RNLS: variants seen among roughly 807,000 people sequenced by gnomAD.
RNLS encodes the protein renalase.
Under a neutral mutation model 39.8 loss-of-function variants are expected in RNLS, and 39 were observed. The observed-to-expected ratio is 0.98, with a 90% confidence interval of 0.76 to 1.28. RNLS has a LOEUF of 1.28. Among genes scored for constraint, RNLS ranks in the 50% most tolerant of loss-of-function variants. RNLS has a pLI of 0.00. For missense variants in RNLS, 410 were observed against 413.3 expected (o/e 0.99, Z 0.07); for synonymous variants, 147 against 150.7 (o/e 0.98, Z 0.18).
At chr10:88,442,269 A>G (rs1189312798) in intron 4 of RNLS, among the ~76,000 whole-genome samples, 4 of 152,230 alleles carry the variant, frequency 2.6e-5, no homozygotes, top group Non-Finnish European at 5.9e-5. Context: ...TTTTCTCTTA[A>G]GTATATTGTT....
the RNLS span, among the ~76,000 whole-genome samples, chr10:88,262,272 C>T: frequency 6.6e-6 from 1 of 152,236 alleles, no homozygotes; most frequent in East Asian, 1.9e-4. Flanking sequence ...GTGGGAAGTC[C>T]TCTAAACTCA....
At chr10:88,434,809 T>C (rs1171875632) in intron 4 of RNLS, among the ~76,000 whole-genome samples, 1 of 152,126 alleles carries the variant, frequency 6.6e-6, no homozygotes, top group Non-Finnish European at 1.5e-5. Context: ...GAAATAGGAA[T>C]AAAGATTGCA....
chr10:88,499,486 A>G (rs1162105887), intron 4 of RNLS, among the ~76,000 whole-genome samples: 2 of 152,074 alleles, frequency 1.3e-5, no homozygotes, highest in East Asian at 3.9e-4. Flanking sequence ...AGAAGTTCTT[A>G]CGAAAAATTT....
At chr10:88,268,398 T>C in the RNLS span, among the ~76,000 whole-genome samples, 148 of 152,304 alleles carry the variant, frequency 9.7e-4, no homozygotes, top group Non-Finnish European at 1.8e-3. Flanking sequence ...CCATGCCAGA[T>C]TGGTGAAAAA....
chr10:88,479,226 A>G (rs1844006298), intron 4 of RNLS, among the ~76,000 whole-genome samples: 1 of 152,206 alleles, frequency 6.6e-6, no homozygotes. Flanking sequence ...ATCAGAGCGA[A>G]AAGTCAATGG....
intron 4 of RNLS, among the ~76,000 whole-genome samples, chr10:88,539,385 G>C (rs1847931677): frequency 6.6e-6 from 1 of 152,096 alleles, no homozygotes; most frequent in Non-Finnish European, 1.5e-5. Context: ...GAAAATAATA[G>C]CATAAATTTT....
At chr10:88,565,507 A>G (rs977920256) in intron 4 of RNLS, among the ~76,000 whole-genome samples, 16 of 152,170 alleles carry the variant, frequency 1.1e-4, no homozygotes, top group African/African-American at 1.2e-4. Flanking sequence ...GAATTATTTC[A>G]TAACAATGAA....
chr10:88,475,571 G>A (rs973196564), intron 4 of RNLS, among the ~76,000 whole-genome samples: 4 of 151,978 alleles, frequency 2.6e-5, no homozygotes, highest in Non-Finnish European at 5.9e-5. Context: ...TCATTCCAAT[G>A]TCCTTTCAGT....
intron 4 of RNLS, among the ~76,000 whole-genome samples, chr10:88,465,408 C>G (rs954498368): frequency 6.6e-6 from 1 of 152,038 alleles, no homozygotes; most frequent in African/African-American, 2.4e-5. Context: ...TATATAGTCT[C>G]TGAACCCAAA....
At chr10:88,529,623 A>G (rs1358562599) in intron 4 of RNLS, among the ~76,000 whole-genome samples, 1 of 152,212 alleles carries the variant, frequency 6.6e-6, no homozygotes, top group African/African-American at 2.4e-5. Flanking sequence ...ACTCATATTT[A>G]AAATTCAGGA....
chr10:88,313,721 A>G (rs1362536347), intron 6 of RNLS, among the ~76,000 whole-genome samples: 1 of 152,188 alleles, frequency 6.6e-6, no homozygotes, highest in East Asian at 1.9e-4. Context: ...AAATCCCAGG[A>G]AAAAAATGGA....
intron 4 of RNLS, among the ~76,000 whole-genome samples, chr10:88,375,398 G>T (rs1041374713): frequency 6.6e-6 from 1 of 152,082 alleles, no homozygotes; most frequent in Non-Finnish European, 1.5e-5. Context: ...TCTTCATCTG[G>T]CTTTTTGTTA....
chr10:88,550,918 C>T (rs1024624288), intron 4 of RNLS, among the ~76,000 whole-genome samples: 3 of 152,062 alleles, frequency 2.0e-5, no homozygotes, highest in Non-Finnish European at 2.9e-5. Flanking sequence ...GGCATTTGCC[C>T]GAGGTAACCA....
intron 4 of RNLS, among the ~76,000 whole-genome samples, chr10:88,413,002 T>C (rs185057990): frequency 6.6e-6 from 1 of 152,298 alleles, no homozygotes; most frequent in Non-Finnish European, 1.5e-5. Context: ...AAAGTATCCA[T>C]TCACTACTGT....
intron 4 of RNLS, 89 bp downstream of exon 4, chr10:88,572,814 G>T: frequency 7.5e-7 from 1 of 1,335,692 alleles, no homozygotes; most frequent in Non-Finnish European, 1.0e-6. Flanking sequence ...TCTATCACTT[G>T]TCCTTTGCGA....
rs558281888 is a variant in RNLS at position 88,394,347 on chromosome 10, G to A, written c.527-31622C>T. On this transcript the variant is annotated intron_variant, in intron 4 of 6. Coordinates refer to ENST00000331772, the MANE Select transcript of RNLS (RefSeq NM_001031709.3). ...ACAATGAACTCAAACGAATTTACAA[G>A]AAAAAAACAAACAACCCCATCAAAA... 1.2e-4 allele frequency among the ~76,000 whole-genome samples: 18 copies of A among 151,946 alleles called. No individual in the cohort carries two copies. In the South Asian group the frequency reaches 3.7e-3, roughly 32 times the overall value.
intron 4 of RNLS, among the ~76,000 whole-genome samples, chr10:88,484,091 G>A (rs576555284): frequency 1.3e-5 from 2 of 152,094 alleles, no homozygotes; most frequent in South Asian, 4.1e-4. Context: ...CTCATATCAA[G>A]TCTTTGACAA....
intron 4 of RNLS, among the ~76,000 whole-genome samples, chr10:88,569,872 T>C (rs896501721): frequency 6.6e-6 from 1 of 152,112 alleles, no homozygotes; most frequent in Non-Finnish European, 1.5e-5. Flanking sequence ...GATTATATCA[T>C]AGTATTCTAG....
downstream of RNLS, among the ~76,000 whole-genome samples, chr10:88,280,654 G>T (rs1297843652): frequency 6.6e-6 from 1 of 152,136 alleles, no homozygotes; most frequent in Non-Finnish European, 1.5e-5. Context: ...GTGCAAAACA[G>T]TCACAGGTAA....
Sources: gnomAD v4.1 joint callset for allele counts (sites outside exome capture counted in the v4.1 genomes callset) on GRCh38, gnomAD v4.1.1 for gene constraint, MANE v1.5 for transcripts, NCBI Gene and HGNC (gene_info 2026-07-23, HGNC 2026-07-21) for gene names.